The following DAAM1 variants were observed in gnomAD, a reference collection of about 807,000 sequenced individuals.
The protein encoded by DAAM1 is dishevelled associated activator of morphogenesis 1, also known as disheveled-associated activator of morphogenesis 1.
Under a neutral mutation model 130.0 loss-of-function variants are expected in DAAM1, and 52 were observed. The ratio of observed to expected loss-of-function variants is 0.40; its 90% CI spans 0.32 to 0.50. The LOEUF is 0.50. Among genes scored for constraint, DAAM1 ranks in the 20% least tolerant of loss-of-function variants. The pLI is 0.61. For synonymous variants in DAAM1, 452 were observed against 444.5 expected (o/e 1.02, Z -0.21); for missense variants, 1,134 against 1,303.8 (o/e 0.87, Z 2.01).
intron 23 of DAAM1, 72 bp from the exon 24 acceptor site, chr14:59,367,357 T>TTC: frequency 6.6e-7 from 1 of 1,521,440 alleles, no homozygotes; most frequent in Non-Finnish European, 8.8e-7. Context: ...GCTTTGGTCT[T>TTC]TCTCAAGTTA....
intron 2 of DAAM1, among the ~76,000 whole-genome samples, chr14:59,272,798 A>T (rs1175938287): frequency 6.6e-6 from 1 of 152,174 alleles, no homozygotes; most frequent in Non-Finnish European, 1.5e-5. Flanking sequence ...GTTGGAATGT[A>T]GATATGGGCT....
At chr14:59,190,591 T>A (rs1887703008) in intron 1 of DAAM1, among the ~76,000 whole-genome samples, 1 of 152,162 alleles carries the variant, frequency 6.6e-6, no homozygotes, top group Admixed American at 6.5e-5. Context: ...AGGGCGCAGG[T>A]CCTTGAGGGT....
intron 1 of DAAM1, among the ~76,000 whole-genome samples, chr14:59,223,378 C>A (rs1391152283): frequency 6.6e-6 from 1 of 152,146 alleles, no homozygotes; most frequent in African/African-American, 2.4e-5. Context: ...TCTACCAAGG[C>A]CCAGCCCAAG....
At chr14:59,327,398 G>GTTTTTTTTTTTTTTTTTTTTTTTTT (rs1338982717) in intron 12 of DAAM1, among the ~76,000 whole-genome samples, 2 of 72,774 alleles carry the variant, frequency 2.7e-5, no homozygotes, top group African/African-American at 1.5e-4. Context: ...AGGTCACTTG[G>GTTTTTTTTTTTTTTTTTTTTTTTTT]TTTCTTTTTT....
chr14:59,307,671 C>A (rs763726235), intron 3 of DAAM1, among the ~76,000 whole-genome samples: 2 of 152,106 alleles, frequency 1.3e-5, no homozygotes, highest in Non-Finnish European at 2.9e-5. Context: ...AGGAGCAGAG[C>A]CCTGGGGGGT....
intron 1 of DAAM1, among the ~76,000 whole-genome samples, chr14:59,210,902 G>A (rs997878653): frequency 3.9e-5 from 6 of 152,196 alleles, no homozygotes; most frequent in Non-Finnish European, 2.9e-5. Context: ...AATGATTTAT[G>A]TGATAAAAGA....
intron 2 of DAAM1, among the ~76,000 whole-genome samples, chr14:59,272,789 T>C (rs551244304): frequency 1.3e-5 from 2 of 152,230 alleles, no homozygotes; most frequent in South Asian, 2.1e-4. Flanking sequence ...CAAAGAATAG[T>C]TGGAATGTAG....
In DAAM1 at chr14:59,269,824, A is replaced by G. The variant is rs10138677; in HGVS notation, c.183+6164A>G. Among the ~76,000 whole-genome samples, 880 of 152,292 alleles carry G rather than the reference A, an allele frequency of 5.8e-3. 6 individuals are homozygous for G. The highest frequency in any genetic ancestry group is 0.02 in the African/African-American group (844 of 41,554). ...AGAAGAGCATGTATAAGTGCTAGAG[A>G]GTGAGAGAAGGCATGGAAGGCTCAG... On this transcript the variant is annotated intron_variant, in intron 2 of 24. Transcript: ENST00000360909.
intron 15 of DAAM1, among the ~76,000 whole-genome samples, chr14:59,333,068 A>G (rs1361821661): frequency 6.6e-6 from 1 of 152,176 alleles, no homozygotes; most frequent in Admixed American, 6.5e-5. Flanking sequence ...GGAGAAACAA[A>G]AACTAAGGGT....
In DAAM1 at chr14:59,195,301, G is replaced by A. The variant is rs553469892; in HGVS notation, c.-38+6533G>A. On this transcript the variant is annotated intron_variant, in intron 1 of 24. Coordinates refer to ENST00000360909, the MANE Select transcript of DAAM1 (RefSeq NM_001270520.2). ...TGGGACTACAGGTGTCCACCACCAC[G>A]CCCAGCTAATTTTTTGTATTTTTAG... Among the ~76,000 whole-genome samples the A allele has an allele frequency of 4.1e-4, 62 of 152,044 alleles. No homozygotes were observed. In the South Asian group the frequency reaches 0.012, roughly 30 times the overall value.
At chr14:59,205,957 G>A (rs1263330837) in intron 1 of DAAM1, among the ~76,000 whole-genome samples, 1 of 152,016 alleles carries the variant, frequency 6.6e-6, no homozygotes, top group Admixed American at 6.6e-5. Context: ...AGACCTCCCC[G>A]AGCTCAGGTG....
chr14:59,357,274 G>C (rs1886519540), intron 20 of DAAM1: 1 of 152,166 alleles, frequency 6.6e-6, no homozygotes, highest in South Asian at 2.1e-4. Flanking sequence ...GAAAAAAATA[G>C]GCTCACTCTT....
At chr14:59,203,386 C>T (rs1844227754) in intron 1 of DAAM1, among the ~76,000 whole-genome samples, 1 of 151,996 alleles carries the variant, frequency 6.6e-6, no homozygotes, top group Non-Finnish European at 1.5e-5. Context: ...TTGTACAGTG[C>T]ATATGGATGA....
chr14:59,319,788 G>T (rs1884935133), intron 4 of DAAM1, among the ~76,000 whole-genome samples: 1 of 152,122 alleles, frequency 6.6e-6, no homozygotes, highest in South Asian at 2.1e-4. Context: ...CTAGAAATTT[G>T]TCAGGAATGC....
intron 17 of DAAM1, among the ~76,000 whole-genome samples, chr14:59,350,580 C>T (rs1300007467): frequency 6.6e-6 from 1 of 152,124 alleles, no homozygotes; most frequent in Non-Finnish European, 1.5e-5. Context: ...CGCTCACTTT[C>T]TACCCACTCT....
chr14:59,297,394 T>G (rs1423704224), intron 3 of DAAM1, among the ~76,000 whole-genome samples: 1 of 152,188 alleles, frequency 6.6e-6, no homozygotes, highest in Admixed American at 6.5e-5. Context: ...TGCGAGAATG[T>G]TTTTGGCAAT....
At chr14:59,346,010 G>A (rs1306135296) in intron 16 of DAAM1, among the ~76,000 whole-genome samples, 1 of 152,114 alleles carries the variant, frequency 6.6e-6, no homozygotes, top group African/African-American at 2.4e-5. Context: ...GTATAAAAAA[G>A]TCTGCCTTGC....
At chr14:59,217,450 TA>T (rs1448046176) in intron 1 of DAAM1, among the ~76,000 whole-genome samples, 3 of 152,186 alleles carry the variant, frequency 2.0e-5, no homozygotes, top group Non-Finnish European at 4.4e-5. Flanking sequence ...CCAGAGTTGG[TA>T]AAAGTTTGAC....
chr14:59,221,898 C>T (rs1594764950), intron 1 of DAAM1, among the ~76,000 whole-genome samples: 1 of 152,186 alleles, frequency 6.6e-6, no homozygotes, highest in Non-Finnish European at 1.5e-5. Flanking sequence ...AACATTTTGC[C>T]AGTGACCCAC....
Sources: gnomAD v4.1 joint callset for allele counts (sites outside exome capture counted in the v4.1 genomes callset) on GRCh38, gnomAD v4.1.1 for gene constraint, MANE v1.5 for transcripts, NCBI Gene and HGNC (gene_info 2026-07-23, HGNC 2026-07-21) for gene names.